RALGAPA2: variants seen among roughly 807,000 people sequenced by gnomAD.
The protein encoded by RALGAPA2 is Ral GTPase activating protein catalytic subunit alpha 2.
A neutral mutation model predicts 230.4 loss-of-function variants in RALGAPA2; 139 were observed. The observed-to-expected ratio is 0.60, with a 90% CI of 0.53 to 0.69. The LOEUF (loss-of-function observed/expected upper bound fraction) is 0.69. Among genes scored for constraint, RALGAPA2 ranks in the 30% least tolerant of loss-of-function variants. The pLI, the probability that RALGAPA2 is intolerant of heterozygous loss-of-function variation, is 0.00. For missense variants in RALGAPA2, 2,163 were observed against 2,276.0 expected (o/e 0.95, Z 1.01); for synonymous variants, 847 against 837.8 (o/e 1.01, Z -0.19).
intron 20 of RALGAPA2, among the ~76,000 whole-genome samples, chr20:20,579,601 G>A (rs1268095696): frequency 1.3e-5 from 2 of 152,050 alleles, no homozygotes; most frequent in African/African-American, 4.8e-5. Flanking sequence ...TGCTGAGGTT[G>A]AATTACTGAC....
chr20:20,659,405 T>A (rs1261895916), intron 3 of RALGAPA2, among the ~76,000 whole-genome samples: 1 of 152,228 alleles, frequency 6.6e-6, no homozygotes, highest in Non-Finnish European at 1.5e-5. Flanking sequence ...CAAAATGTTA[T>A]TTGAGGACCT....
intron 33 of RALGAPA2, among the ~76,000 whole-genome samples, chr20:20,510,586 C>T (rs1214730078): frequency 6.6e-6 from 1 of 151,064 alleles, no homozygotes; most frequent in African/African-American, 2.4e-5. Flanking sequence ...TTATTCTCTT[C>T]GAAACTTTGG....
At chr20:20,464,976 ACATACATATG>A (rs772485237) in intron 37 of RALGAPA2, among the ~76,000 whole-genome samples, 9 of 152,200 alleles carry the variant, frequency 5.9e-5, no homozygotes, top group Admixed American at 1.3e-4. Flanking sequence ...ATATTTATAT[ACATACATATG>A]CATACATATT....
chr20:20,520,496 T>C (rs1305770451), intron 31 of RALGAPA2, among the ~76,000 whole-genome samples: 1 of 152,172 alleles, frequency 6.6e-6, no homozygotes, highest in Non-Finnish European at 1.5e-5. Context: ...CTCTCCTAAC[T>C]TGGAACAATC....
chr20:20,472,973 G>C lies in RALGAPA2; in HGVS notation c.5368-17C>G, dbSNP rs766558570. 3 of 1,588,892 alleles carry C rather than the reference G, an allele frequency of 1.9e-6. No homozygotes were observed. Among genetic ancestry groups the C allele is most frequent in the Non-Finnish European group, 2.6e-6 (3 of 1,170,628 alleles). The stretch of plus-strand genomic sequence containing the variant: ...AAATGGAACCTGTTGATTTGAAATG[G>C]AAAAACAAATTTTAAAAACTGATAA... On this transcript the variant is annotated splice_polypyrimidine_tract_variant and intron_variant, in intron 36 of 39. Coordinates refer to ENST00000202677, the MANE Select transcript of RALGAPA2 (RefSeq NM_020343.4).
At chr20:20,709,243 C>A (rs1305682215) in intron 1 of RALGAPA2, among the ~76,000 whole-genome samples, 1 of 151,934 alleles carries the variant, frequency 6.6e-6, no homozygotes, top group African/African-American at 2.4e-5. Context: ...TGCTTGAGCC[C>A]AGGAGGCGGA....
intron 3 of RALGAPA2, among the ~76,000 whole-genome samples, chr20:20,663,060 T>C (rs1428378191): frequency 6.6e-6 from 1 of 152,170 alleles, no homozygotes; most frequent in African/African-American, 2.4e-5. Flanking sequence ...AGTGTGACTT[T>C]TGTCCTGAAG....
At chr20:20,531,357 T>C (rs1188659887) in intron 27 of RALGAPA2, among the ~76,000 whole-genome samples, 2 of 152,196 alleles carry the variant, frequency 1.3e-5, no homozygotes, top group Admixed American at 6.5e-5. Context: ...CTCCCAGGCC[T>C]GCTGAAGAGG....
chr20:20,463,732 T>A (rs944349856), intron 37 of RALGAPA2, among the ~76,000 whole-genome samples: 1 of 152,220 alleles, frequency 6.6e-6, no homozygotes, highest in African/African-American at 2.4e-5. Context: ...AAAGTAACCA[T>A]CTGAATGCTA....
At chr20:20,555,737 T>C (rs2064065267) in intron 23 of RALGAPA2, among the ~76,000 whole-genome samples, 1 of 152,226 alleles carries the variant, frequency 6.6e-6, no homozygotes, top group African/African-American at 2.4e-5. Flanking sequence ...AGTTGATTTT[T>C]ACATATTGAT....
intron 36 of RALGAPA2, among the ~76,000 whole-genome samples, chr20:20,491,025 A>C (rs1445587716): frequency 6.6e-6 from 1 of 152,128 alleles, no homozygotes; most frequent in Non-Finnish European, 1.5e-5. Context: ...GATCCAAAAA[A>C]AAAAAGGCAT....
intron 1 of RALGAPA2, among the ~76,000 whole-genome samples, chr20:20,686,533 G>GAA (rs571303541): frequency 8.5e-5 from 9 of 105,622 alleles, no homozygotes; most frequent in Admixed American, 3.0e-4. Context: ...CTACACCTCA[G>GAA]AAAAAAAAAA....
intron 23 of RALGAPA2, among the ~76,000 whole-genome samples, chr20:20,553,267 A>T (rs1231152191): frequency 1.3e-5 from 2 of 152,192 alleles, no homozygotes; most frequent in Admixed American, 6.5e-5. Context: ...AAAATTGCCT[A>T]GTGGCAGGGC....
chr20:20,413,439 G>A (rs1347140960), intron 37 of RALGAPA2, among the ~76,000 whole-genome samples: 5 of 152,138 alleles, frequency 3.3e-5, no homozygotes, highest in East Asian at 1.9e-4. Context: ...TTTTCATACC[G>A]TGAGGAGACC....
At chr20:20,455,755 TA>T (rs1390372192) in intron 37 of RALGAPA2, among the ~76,000 whole-genome samples, 1 of 152,026 alleles carries the variant, frequency 6.6e-6, no homozygotes, top group Admixed American at 6.6e-5. Context: ...AGCAAAACAT[TA>T]AAAAAATTGG....
At chr20:20,458,727 T>C (rs1414869217) in intron 37 of RALGAPA2, among the ~76,000 whole-genome samples, 55 of 64,292 alleles carry the variant, frequency 8.6e-4, no homozygotes, top group South Asian at 1.7e-3. Context: ...TATATATATA[T>C]ACACACACCT....
chr20:20,509,135 G>A (rs924632582), intron 33 of RALGAPA2, among the ~76,000 whole-genome samples: 1 of 152,154 alleles, frequency 6.6e-6, no homozygotes, highest in Non-Finnish European at 1.5e-5. Context: ...GGGAGAGTGT[G>A]GTGAACCCCT....
chr20:20,457,435 G>A (rs1244243388), intron 37 of RALGAPA2, among the ~76,000 whole-genome samples: 2 of 152,208 alleles, frequency 1.3e-5, no homozygotes, highest in African/African-American at 2.4e-5. Flanking sequence ...ATATAAAGAT[G>A]AGTTGCTCAT....
Position 20,524,857 on chromosome 20 carries a change from C to CTCTGG in RALGAPA2, c.3734_3735insCCAGA (p.Glu1245AspfsTer30). On this transcript the variant is annotated frameshift_variant, in exon 29 of 40. Coordinates refer to ENST00000202677, the MANE Select transcript of RALGAPA2 (RefSeq NM_020343.4). LOFTEE classifies it high-confidence loss of function. ...TCTTGTCTGTTTCCACTGAGGAGTA[C>CTCTGG]TCTGCACTTGGTAAAAGAAAAGCAA... 6.2e-7 allele frequency: 1 copy of CTCTGG among 1,611,002 alleles called. No homozygotes were observed. Among genetic ancestry groups the CTCTGG allele is most frequent in the Non-Finnish European group, 8.5e-7 (1 of 1,178,580 alleles).
Sources: gnomAD v4.1 joint callset for allele counts (sites outside exome capture counted in the v4.1 genomes callset) on GRCh38, gnomAD v4.1.1 for gene constraint, MANE v1.5 for transcripts, NCBI Gene and HGNC (gene_info 2026-07-23, HGNC 2026-07-21) for gene names.